The following TREM2 variants were observed in gnomAD, a reference collection of about 807,000 sequenced individuals.
TREM2 encodes triggering receptor expressed on myeloid cells 2.
A neutral mutation model predicts 22.9 loss-of-function variants in TREM2; 20 were observed. That is an observed-to-expected ratio of 0.87 (90% CI 0.61 to 1.27). The LOEUF is 1.27. Among genes scored for constraint, TREM2 ranks in the 50% most tolerant of loss-of-function variants. The pLI is 0.00. For synonymous variants in TREM2, 111 were observed against 120.9 expected, an observed-to-expected ratio of 0.92 and a Z score of 0.54; for missense variants, 267 against 289.0, an observed-to-expected ratio of 0.92 and a Z score of 0.55.
At chr6:41,162,619 C>T (rs924017914) in intron 1 of TREM2, among the ~76,000 whole-genome samples, 3 of 152,110 alleles carry the variant, frequency 2.0e-5, no homozygotes, top group Admixed American at 6.5e-5. Flanking sequence ...GAGAGTGCCC[C>T]AAAGATGCAG....
In TREM2 at chr6:41,161,500, G is replaced by A. The variant is rs749358844; in HGVS notation, c.154C>T (p.Arg52Cys). ...CATGGGCCCTTCTCTCCCAGCTGGC[G>A]GCACCAGGCCTTGCGCCTCCCCCAG... ...KHWGRRKAWC[R>C]QLGEKGPCQR... is the part of the protein sequence containing the mutation. The change falls in exon 2 of 5, where the codon CGC becomes TGC. Residue 52 changes from arginine to cysteine, a missense_variant. Physicochemically the swap from Arg to Cys is radical, Grantham distance 180. Coordinates refer to ENST00000373113, the MANE Select transcript of TREM2 (RefSeq NM_018965.4). 1.1e-5 allele frequency: 18 copies of A among 1,614,096 alleles called. No homozygotes were observed. The highest frequency in any genetic ancestry group is 6.7e-5 in the African/African-American group (5 of 74,934).
chr6:41,162,127 A>G (rs774940338), intron 1 of TREM2, among the ~76,000 whole-genome samples: 2 of 151,474 alleles, frequency 1.3e-5, no homozygotes, highest in Non-Finnish European at 2.9e-5. Context: ...TATTTTGGGA[A>G]CCCTCCTTAG....
rs529457146 is a variant in TREM2 at position 41,161,967 on chromosome 6, C to T, written c.41-354G>A. On this transcript the variant is annotated intron_variant, in intron 1 of 4. Transcript: ENST00000373113. Reference sequence around the variant, plus strand: ...TCCTCTCGGCCTGGGGCTGGCTCTCCCTGCCCCGCCACTCTTGCTTGCTCT... The same window carrying T: ...TCCTCTCGGCCTGGGGCTGGCTCTCTCTGCCCCGCCACTCTTGCTTGCTCT... Among the ~76,000 whole-genome samples, 16 of 152,158 alleles carry T rather than the reference C, an allele frequency of 1.1e-4. No homozygotes were observed. The East Asian group carries it at 3.1e-3, about 30-fold the overall frequency.
chr6:41,159,924 C>G, intron 2 of TREM2, 42 bp from the exon 3 acceptor site: 3 of 1,555,868 alleles, frequency 1.9e-6, no homozygotes, highest in Non-Finnish European at 2.7e-6. Context: ...CCTTCCTCCT[C>G]GAGGCAGGGG....
At position 41,159,829 on chromosome 6, in the gene TREM2, T is replaced by C. The variant is rs750556369; in HGVS notation, c.445A>G (p.Ser149Gly). 2 of 1,614,102 alleles carry C rather than the reference T, an allele frequency of 1.2e-6. No homozygotes were observed. The highest frequency in any genetic ancestry group is 1.7e-6 in the Non-Finnish European group (2 of 1,180,010). The change falls in exon 3 of 5, where the codon AGC (serine) becomes GGC (glycine). Residue 149 changes from serine (S) to glycine (G), a missense_variant. By Grantham distance (56) the Ser-to-Gly change is moderately conservative. Transcript: ENST00000373113. ...GDLWFPGESE[S>G]FEDAHVEHSI... ...TGCTCCACATGGGCATCCTCGAAGCTCTCAGACTCCCCGGGGAACCAGAGA... is the reference window on the plus strand; with the variant it reads ...TGCTCCACATGGGCATCCTCGAAGCCCTCAGACTCCCCGGGGAACCAGAGA...
chr6:41,158,780 C>A lies in TREM2; in HGVS notation c.677G>T (p.Gly226Val). 2.5e-6 allele frequency: 4 copies of A among 1,614,216 alleles called. No individual in the cohort carries two copies. Among genetic ancestry groups the A allele is most frequent in the Non-Finnish European group, 3.4e-6 (4 of 1,180,048 alleles). The change falls in exon 5 of 5, where the codon GGG becomes GTG. Residue 226 changes from glycine (G) to valine (V), a missense_variant and splice_region_variant. Gly to Val is a moderately radical substitution (Grantham distance 109). Coordinates refer to ENST00000373113, the MANE Select transcript of TREM2 (RefSeq NM_018965.4). Reference sequence around the variant, plus strand: ...CATCTTCCTTCACGTGTCTCTCAGCCCTGCAATAGTCCAAGGACTCATGTG... The same window carrying A: ...CATCTTCCTTCACGTGTCTCTCAGCACTGCAATAGTCCAAGGACTCATGTG... ...DPGYQLQTLP[G>V]LRDT
chr6:41,158,644 C>T lies in TREM2; in HGVS notation c.*120G>A. ...TCCAGGGTCCAGGAGAAGCAGTGTT[C>T]AGGCAGAGTAGTCTCTTGCCAGAGC... is the stretch of plus-strand genomic sequence containing the variant. On this transcript the variant is annotated 3_prime_UTR_variant, in exon 5 of 5. Transcript: ENST00000373113. 6.3e-7 allele frequency: 1 copy of T among 1,599,472 alleles called. No individual in the cohort carries two copies. The highest frequency in any genetic ancestry group is 8.5e-7 in the Non-Finnish European group (1 of 1,172,486).
Position 41,161,573 on chromosome 6 carries a change from C to T in TREM2, c.81G>A (p.Val27=). The part of the protein sequence containing the change: ...GAHNTTVFQG[V]AGQSLQVSCP... ...AAGACACCTGCAGGGACTGGCCCGC[C>T]ACGCCCTGGAACACTGTGGTGTTGT... Residue 27 remains valine (V), a synonymous_variant, in exon 2 of 5, where the codon GTG becomes GTA. Coordinates refer to ENST00000373113, the MANE Select transcript of TREM2 (RefSeq NM_018965.4). The T allele has an allele frequency of 6.2e-7, 1 of 1,614,142 alleles. No individual in the cohort carries two copies. Among genetic ancestry groups the T allele is most frequent in the Non-Finnish European group, 8.5e-7 (1 of 1,180,024 alleles).
chr6:41,158,810 C>T (rs1765483504), intron 4 of TREM2, 30 bp from the exon 5 acceptor site: 2 of 1,614,248 alleles, frequency 1.2e-6, no homozygotes, highest in East Asian at 4.5e-5. Flanking sequence ...CATGTGGCCC[C>T]TCTCGGCACC....
At position 41,161,438 on chromosome 6, in the gene TREM2, C is replaced by G; in HGVS notation, c.216G>C (p.Leu72=). Residue 72 remains leucine (L), a synonymous_variant, in exon 2 of 5, where the codon CTG becomes CTC. Transcript: ENST00000373113. The part of the protein sequence containing the change: ...RVVSTHNLWL[L]SFLRRWNGST... ...TCCCATTCCACCTCCTCAGGAAGGA[C>G]AGCAGCCACAAGTTGTGCGTGCTGA... The G allele has an allele frequency of 1.2e-6, 2 of 1,614,256 alleles. No homozygotes were observed. The highest frequency in any genetic ancestry group is 2.2e-5 in the South Asian group (2 of 91,086).
intron 2 of TREM2, 39 bp downstream of exon 2, chr6:41,161,224 A>G (rs1465962254): frequency 6.3e-7 from 1 of 1,588,920 alleles, no homozygotes; most frequent in Admixed American, 1.7e-5. Context: ...TGAGGCCTGG[A>G]ACAGGGGCAG....
chr6:41,160,704 G>T (rs1052945294), intron 2 of TREM2, among the ~76,000 whole-genome samples: 2 of 152,156 alleles, frequency 1.3e-5, no homozygotes, highest in African/African-American at 4.8e-5. Context: ...ACCCTATGGG[G>T]TCAGCAGGAC....
Position 41,161,536 on chromosome 6 carries a change from A to G in TREM2, c.118T>C (p.Ser40Pro), listed in dbSNP as rs1189666053. The G allele has an allele frequency of 6.2e-7, 1 of 1,613,976 alleles. No individual in the cohort carries two copies. The highest frequency in any genetic ancestry group is 8.5e-7 in the Non-Finnish European group (1 of 1,180,026). The part of the protein sequence containing the change: ...QSLQVSCPYD[S>P]MKHWGRRKAW... ...TTGCGCCTCCCCCAGTGCTTCATGG[A>G]GTCATAGGGGCAAGACACCTGCAGG... Residue 40 changes from serine to proline, a missense_variant, in exon 2 of 5, where the codon TCC becomes CCC. Ser to Pro is a moderately conservative substitution (Grantham distance 74, BLOSUM62 -1). Coordinates refer to ENST00000373113, the MANE Select transcript of TREM2 (RefSeq NM_018965.4).
rs199759237 is a variant in TREM2, at chr6:41,163,075, G to A, written c.8C>T (p.Pro3Leu). 2 of 1,614,154 alleles carry A rather than the reference G, an allele frequency of 1.2e-6. No individual in the cohort carries two copies. The highest frequency in any genetic ancestry group is 1.7e-5 in the Admixed American group (1 of 60,016). Residue 3 changes from proline to leucine, a missense_variant, in exon 1 of 5, where the codon CCT becomes CTT. By Grantham distance (98) the Pro-to-Leu change is moderately conservative. Coordinates refer to ENST00000373113, the MANE Select transcript of TREM2 (RefSeq NM_018965.4). Reference sequence around the variant, plus strand: ...AAAGAGTAAGATGAGCAGCCGGAGAGGCTCCATGCCACCCTTCCCCAGCCA... The same window carrying A: ...AAAGAGTAAGATGAGCAGCCGGAGAAGCTCCATGCCACCCTTCCCCAGCCA... ME[P>L]LRLLILLFVT...
chr6:41,160,886 C>G (rs1038709942), intron 2 of TREM2, among the ~76,000 whole-genome samples: 1 of 152,218 alleles, frequency 6.6e-6, no homozygotes, highest in African/African-American at 2.4e-5. Context: ...TTAATCTCCT[C>G]CTCCTTAAGG....
chr6:41,161,376 A>C lies in TREM2; in HGVS notation c.278T>G (p.Leu93Arg), dbSNP rs1204617414. 6.2e-7 allele frequency: 1 copy of C among 1,614,096 alleles called. No homozygotes were observed. The highest frequency in any genetic ancestry group is 1.3e-5 in the African/African-American group (1 of 74,924). Reference protein sequence around the residue: ...AITDDTLGGTLTITLRNLQPH... With the variant: ...AITDDTLGGTRTITLRNLQPH... ...TTGTAGATTCCGCAGCGTAATGGTGAGAGTGCCACCCAGGGTATCGTCTGT... is the reference window on the plus strand; with the variant it reads ...TTGTAGATTCCGCAGCGTAATGGTGCGAGTGCCACCCAGGGTATCGTCTGT... Residue 93 changes from leucine (L) to arginine (R), a missense_variant, in exon 2 of 5, where the codon CTC becomes CGC. Coordinates refer to ENST00000373113, the MANE Select transcript of TREM2 (RefSeq NM_018965.4).
At chr6:41,159,737 G>A (rs1765510591) in intron 3 of TREM2, 55 bp downstream of exon 3, 1 of 1,544,816 alleles carries the variant, frequency 6.5e-7, no homozygotes, top group South Asian at 1.1e-5. Context: ...ACCCCCGTGG[G>A]GCTCTGCAGG....
intron 2 of TREM2, among the ~76,000 whole-genome samples, chr6:41,160,507 T>C (rs2113878985): frequency 6.6e-6 from 1 of 152,156 alleles, no homozygotes; most frequent in East Asian, 1.9e-4. Context: ...AGTTGTGTTC[T>C]GCAGACTCAA....
rs139607688 is a variant in TREM2, at chr6:41,159,881, G to A, written c.393C>T (p.Asp131=). 89 of 1,613,476 alleles carry A rather than the reference G, an allele frequency of 5.5e-5. No individual in the cohort carries two copies. Among genetic ancestry groups the A allele is most frequent in the Non-Finnish European group, 6.7e-5 (79 of 1,179,824 alleles). ...LRKVLVEVLA[D]PLDHRDAGDL... is the part of the protein sequence containing the mutation. ...CTCCAGCATCCCGGTGATCCAGGGG[G>A]TCTATGGGAGGCAGAGCCATGAGCC... Residue 131 remains aspartate (D), a splice_region_variant and synonymous_variant, in exon 3 of 5, where the codon GAC becomes GAT. Coordinates refer to ENST00000373113, the MANE Select transcript of TREM2 (RefSeq NM_018965.4).
Sources: gnomAD v4.1 joint callset for allele counts (sites outside exome capture counted in the v4.1 genomes callset) on GRCh38, gnomAD v4.1.1 for gene constraint, MANE v1.5 for transcripts, NCBI Gene and HGNC (gene_info 2026-07-23, HGNC 2026-07-21) for gene names.